The following TMPRSS11D variants were observed in gnomAD, a reference collection of about 807,000 sequenced individuals.
The protein encoded by TMPRSS11D is transmembrane protease serine 11D.
Under a neutral mutation model 44.4 loss-of-function variants are expected in TMPRSS11D, and 32 were observed. The ratio of observed to expected loss-of-function variants is 0.72; its 90% confidence interval spans 0.54 to 0.97. The LOEUF (loss-of-function observed/expected upper bound fraction) is 0.97. Ranked by LOEUF, TMPRSS11D falls within the 50% of genes least tolerant of loss-of-function variation. The probability of loss-of-function intolerance (pLI) is 0.00; values close to 1 mark genes in which losing one functional copy is unlikely to be tolerated. For synonymous variants in TMPRSS11D, 179 were observed against 177.9 expected (o/e 1.01, Z -0.05); for missense variants, 446 against 502.6 (o/e 0.89, Z 1.08).
chr4:67,870,680 G>T (rs1490391232), intron 1 of TMPRSS11D, among the ~76,000 whole-genome samples: 1 of 152,108 alleles, frequency 6.6e-6, no homozygotes, highest in African/African-American at 2.4e-5. Flanking sequence ...CGGGCGTGGT[G>T]GCGGGCGCCT....
At chr4:67,828,501 A>G (rs1426609993) in intron 7 of TMPRSS11D, among the ~76,000 whole-genome samples, 1 of 152,116 alleles carries the variant, frequency 6.6e-6, no homozygotes, top group Non-Finnish European at 1.5e-5. Context: ...AGGACCAACA[A>G]TTAACTGTGA....
intron 1 of TMPRSS11D, among the ~76,000 whole-genome samples, chr4:67,869,556 G>A (rs72849546): frequency 0.024 from 3,675 of 152,142 alleles, 136 homozygotes; most frequent in African/African-American, 0.082. Context: ...AATTTTACAT[G>A]TGAGACTAAA....
rs540561398 is a variant in TMPRSS11D at position 67,857,144 on chromosome 4, A to T, written c.130+2413T>A. On this transcript the variant is annotated intron_variant, in intron 2 of 9. Transcript: ENST00000283916. ...ATCCCACTACTGGATATTTATCCAAAGGAAAAGAAATCACCATGTCAAAGA... is the reference window on the plus strand; with the variant it reads ...ATCCCACTACTGGATATTTATCCAATGGAAAAGAAATCACCATGTCAAAGA... Among the ~76,000 whole-genome samples, 248 of 152,118 alleles carry T rather than the reference A, an allele frequency of 1.6e-3. 7 individuals carry two copies. In the South Asian group the frequency reaches 0.051, roughly 31 times the overall value.
At chr4:67,827,585 C>A in intron 7 of TMPRSS11D, 65 bp from the exon 8 acceptor site, 3 of 1,479,894 alleles carry the variant, frequency 2.0e-6, no homozygotes, top group Non-Finnish European at 2.7e-6. Flanking sequence ...TATATAAATT[C>A]ATCTTAGCCA....
chr4:67,849,459 G>T (rs1308609876), intron 3 of TMPRSS11D, among the ~76,000 whole-genome samples: 1 of 152,150 alleles, frequency 6.6e-6, no homozygotes, highest in African/African-American at 2.4e-5. Flanking sequence ...GTGGACATAA[G>T]TAAAGCTTTG....
chr4:67,859,780 G>C, intron 1 of TMPRSS11D, 102 bp from the exon 2 acceptor site: 2 of 1,468,308 alleles, frequency 1.4e-6, no homozygotes, highest in South Asian at 2.6e-5. Context: ...CTCTTATCTG[G>C]GACATGGCTC....
At chr4:67,858,186 A>G (rs758692128) in intron 2 of TMPRSS11D, among the ~76,000 whole-genome samples, 5 of 152,158 alleles carry the variant, frequency 3.3e-5, no homozygotes, top group Admixed American at 1.3e-4. Context: ...CATATGCATT[A>G]CTTACGCAGA....
At chr4:67,845,141 G>A (rs762426102) in intron 3 of TMPRSS11D, among the ~76,000 whole-genome samples, 4 of 152,180 alleles carry the variant, frequency 2.6e-5, no homozygotes, top group Non-Finnish European at 4.4e-5. Flanking sequence ...AACATTAAGA[G>A]GCAATTTAGT....
intron 1 of TMPRSS11D, among the ~76,000 whole-genome samples, chr4:67,872,284 C>G (rs1164012134): frequency 1.3e-5 from 2 of 152,006 alleles, no homozygotes; most frequent in African/African-American, 4.8e-5. Context: ...TTCCTCCTTT[C>G]TTTCATTCTT....
intron 1 of TMPRSS11D, among the ~76,000 whole-genome samples, chr4:67,879,286 C>G (rs1233806321): frequency 6.6e-6 from 1 of 151,702 alleles, no homozygotes; most frequent in East Asian, 1.9e-4. Context: ...TCGAGACCAT[C>G]CTGGCTAACA....
At chr4:67,872,451 G>A (rs375328451) in intron 1 of TMPRSS11D, among the ~76,000 whole-genome samples, 4 of 152,088 alleles carry the variant, frequency 2.6e-5, no homozygotes, top group African/African-American at 9.6e-5. Flanking sequence ...ATGCTCTTTG[G>A]GAAATGAGTA....
intron 2 of TMPRSS11D, 46 bp from the exon 3 acceptor site, chr4:67,854,232 G>T: frequency 1.0e-6 from 1 of 997,094 alleles, no homozygotes; most frequent in Non-Finnish European, 1.5e-6. Context: ...TTACTAAGTT[G>T]TTGAACCTTT....
intron 8 of TMPRSS11D, among the ~76,000 whole-genome samples, chr4:67,826,546 A>G (rs994107833): frequency 1.3e-5 from 2 of 152,080 alleles, no homozygotes; most frequent in African/African-American, 2.4e-5. Context: ...TATTCATTCA[A>G]TAAACAAATA....
chr4:67,825,965 A>G, intron 8 of TMPRSS11D, 91 bp from the exon 9 acceptor site: 1 of 1,350,582 alleles, frequency 7.4e-7, no homozygotes, highest in Non-Finnish European at 9.9e-7. Flanking sequence ...AATGTACTCC[A>G]AACATTATTT....
At chr4:67,846,333 G>C (rs1718356681) in intron 3 of TMPRSS11D, among the ~76,000 whole-genome samples, 1 of 151,842 alleles carries the variant, frequency 6.6e-6, no homozygotes, top group Non-Finnish European at 1.5e-5. Flanking sequence ...TATGAAATTA[G>C]AAATTAAAAA....
chr4:67,863,806 C>T (rs1028176553), intron 1 of TMPRSS11D, among the ~76,000 whole-genome samples: 5 of 151,924 alleles, frequency 3.3e-5, no homozygotes, highest in South Asian at 2.1e-4. Flanking sequence ...GGTGTATATA[C>T]CAATGATTTG....
At chr4:67,842,469 A>G in intron 4 of TMPRSS11D, 89 bp downstream of exon 4, 1 of 1,146,964 alleles carries the variant, frequency 8.7e-7, no homozygotes, top group Non-Finnish European at 1.3e-6. Flanking sequence ...ACTTATCTGA[A>G]CATGTCATTT....
At chr4:67,832,338 A>G (rs527764912) in intron 7 of TMPRSS11D, among the ~76,000 whole-genome samples, 1 of 152,250 alleles carries the variant, frequency 6.6e-6, no homozygotes, top group Non-Finnish European at 1.5e-5. Flanking sequence ...GTTCCCAACA[A>G]CTGTTGTGGT....
chr4:67,824,238 T>G (rs1465876563), intron 9 of TMPRSS11D, among the ~76,000 whole-genome samples: 1 of 151,680 alleles, frequency 6.6e-6, no homozygotes, highest in African/African-American at 2.4e-5. Flanking sequence ...CATGGTGAGG[T>G]ACGGCTTGAA....
Sources: allele counts gnomAD v4.1 joint callset (sites outside exome capture counted in the v4.1 genomes callset), GRCh38; gene constraint gnomAD v4.1.1; transcripts MANE v1.5; gene names NCBI Gene and HGNC (gene_info 2026-07-23, HGNC 2026-07-21).